PPP1R8: variants seen among roughly 807,000 people sequenced by gnomAD.
PPP1R8 encodes the protein protein phosphatase 1 regulatory subunit 8.
Under a neutral mutation model 31.3 loss-of-function variants are expected in PPP1R8, and 4 were observed. The ratio of observed to expected loss-of-function variants is 0.13; its 90% CI spans 0.06 to 0.29. The LOEUF (loss-of-function observed/expected upper bound fraction) is 0.29. Ranked by LOEUF, PPP1R8 falls within the 10% of genes least tolerant of loss-of-function variation. The pLI, the probability that PPP1R8 is intolerant of heterozygous loss-of-function variation, is 1.00. For missense variants in PPP1R8, 254 were observed against 440.1 expected (o/e 0.58, Z 3.78); for synonymous variants, 170 against 169.7 (o/e 1.00, Z -0.01).
chr1:27,850,478 G>GGGGTTT lies in PPP1R8; in HGVS notation c.*32_*33insGGGTTT. 5.2e-6 allele frequency: 7 copies of GGGGTTT among 1,338,788 alleles called. No individual in the cohort carries two copies. The highest frequency in any genetic ancestry group is 5.2e-6 in the Non-Finnish European group (5 of 952,868). The allele number at this position is 1,338,788 out of a possible 1,614,324, so 82.9% of individuals were successfully genotyped here. On this transcript the variant is annotated 3_prime_UTR_variant, in exon 7 of 7. Coordinates refer to ENST00000311772, the MANE Select transcript of PPP1R8 (RefSeq NM_014110.5). Reference sequence around the variant, plus strand: ...TGGTCATGGAGAAGGGTGGGATTGGGTGGGAATGGGGTGGAAGGGTGATGG... The same window carrying GGGGTTT: ...TGGTCATGGAGAAGGGTGGGATTGGGGGGTTTTGGGAATGGGGTGGAAGGGTGATGG...
At chr1:27,850,066 C>CT (rs2089325793) in intron 6 of PPP1R8, 27 bp from the exon 7 acceptor site, 1 of 1,514,572 alleles carries the variant, frequency 6.6e-7, no homozygotes, top group Non-Finnish European at 8.9e-7. Flanking sequence ...TCTCCAATCT[C>CT]TCCCCTCTCC....
At chr1:27,847,249 G>C (rs907346042) in intron 6 of PPP1R8, among the ~76,000 whole-genome samples, 157 bp downstream of exon 6, 1 of 152,130 alleles carries the variant, frequency 6.6e-6, no homozygotes, top group Non-Finnish European at 1.5e-5. Flanking sequence ...GCTCACACTT[G>C]TAATCCCAGC....
chr1:27,837,120 C>A (rs1485954062), intron 2 of PPP1R8, among the ~76,000 whole-genome samples: 1 of 151,840 alleles, frequency 6.6e-6, no homozygotes, highest in Admixed American at 6.6e-5. Flanking sequence ...TTTCAGAAGA[C>A]AGCCACTCTT....
intron 1 of PPP1R8, chr1:27,831,210 T>A: frequency 9.0e-7 from 1 of 1,113,044 alleles, no homozygotes. Flanking sequence ...ACTGAGTGCC[T>A]GGTGCTCTCG....
Position 27,851,415 on chromosome 1 carries a change from A to G in PPP1R8, c.*969A>G, listed in dbSNP as rs1329763105. On this transcript the variant is annotated 3_prime_UTR_variant, in exon 7 of 7. Coordinates refer to ENST00000311772, the MANE Select transcript of PPP1R8 (RefSeq NM_014110.5). Reference sequence around the variant, plus strand: ...TAGGAGACAAAGTTAGGAAACATTGATACAAGCTTTGTACAGAGATTTGTA... The same window carrying G: ...TAGGAGACAAAGTTAGGAAACATTGGTACAAGCTTTGTACAGAGATTTGTA... The G allele has an allele frequency of 1.3e-5, 5 of 381,662 alleles. No homozygotes were observed. Among genetic ancestry groups the G allele is most frequent in the Admixed American group, 3.0e-5 (1 of 33,586 alleles). The allele number at this position is 381,662 out of a possible 1,614,324, so 23.6% of individuals were successfully genotyped here.
intron 3 of PPP1R8, among the ~76,000 whole-genome samples, chr1:27,839,431 G>A (rs1400277146): frequency 6.6e-6 from 1 of 152,144 alleles, no homozygotes; most frequent in Non-Finnish European, 1.5e-5. Context: ...GGGAGGCTGA[G>A]GCAGGAGAAC....
chr1:27,851,220 T>C lies in PPP1R8; in HGVS notation c.*774T>C, dbSNP rs537315807. The C allele has an allele frequency of 1.0e-4, 25 of 250,942 alleles. No homozygotes were observed. The highest frequency in any genetic ancestry group is 5.3e-4 in the African/African-American group (24 of 45,204). 15.5% of individuals were successfully genotyped at this position (250,942 alleles called of 1,614,324 possible). A position where few individuals can be genotyped will look rare whatever the true frequency, so the allele number is the denominator to read the frequency against. On this transcript the variant is annotated 3_prime_UTR_variant, in exon 7 of 7. Coordinates refer to ENST00000311772, the MANE Select transcript of PPP1R8 (RefSeq NM_014110.5). ...TTTAAGTGTATTATGAAGGCAGTTT[T>C]CAAAGGATATGACCAGTTGGGGTAA...
At position 27,847,068 on chromosome 1, in the gene PPP1R8, G is replaced by A; in HGVS notation, c.678G>A (p.Val226=). The change falls in exon 6 of 7, where the codon GTG becomes GTA. Residue 226 remains valine (V), a synonymous_variant. Transcript: ENST00000311772. ...CAGTTGGTCGATTCAGGAACATGGT[G>A]CAAACTGCAGTGGTCCCAGTCAAGG... ...DPSVGRFRNM[V]QTAVVPVKKK... is the part of the protein sequence containing the mutation. 1.2e-6 allele frequency: 2 copies of A among 1,614,076 alleles called. No homozygotes were observed. Among genetic ancestry groups the A allele is most frequent in the Non-Finnish European group, 1.7e-6 (2 of 1,179,948 alleles).
chr1:27,834,617 G>A (rs564660986), intron 2 of PPP1R8: 10 of 491,790 alleles, frequency 2.0e-5, no homozygotes, highest in South Asian at 5.9e-5. Flanking sequence ...TTTAGTGACT[G>A]TTGAAAGCCA....
In PPP1R8 at chr1:27,850,654, A is replaced by T. The variant is rs2089335254; in HGVS notation, c.*208A>T. On this transcript the variant is annotated 3_prime_UTR_variant, in exon 7 of 7. Transcript: ENST00000311772. Reference sequence around the variant, plus strand: ...TCTTCACAACACTTGCATTGTAGAGAAAGGCTTCTTATATCCTTTTCAATA... The same window carrying T: ...TCTTCACAACACTTGCATTGTAGAGTAAGGCTTCTTATATCCTTTTCAATA... The T allele has an allele frequency of 1.8e-6, 1 of 546,304 alleles. No individual in the cohort carries two copies. Among genetic ancestry groups the T allele is most frequent in the Admixed American group, 3.1e-5 (1 of 32,100 alleles). The allele number at this position is 546,304 out of a possible 1,614,324, so 33.8% of individuals were successfully genotyped here.
Position 27,850,696 on chromosome 1 carries a change from T to C in PPP1R8, c.*250T>C. On this transcript the variant is annotated 3_prime_UTR_variant, in exon 7 of 7. Coordinates refer to ENST00000311772, the MANE Select transcript of PPP1R8 (RefSeq NM_014110.5). ...TTTTCAATAGACTGCCCTGGCTCTT[T>C]CCTAGGCCTTCCACTACCTCCTTTC... 2.4e-6 allele frequency: 1 copy of C among 408,330 alleles called. No individual in the cohort carries two copies. Among genetic ancestry groups the C allele is most frequent in the Non-Finnish European group, 4.4e-6 (1 of 227,862 alleles). The allele number at this position is 408,330 out of a possible 1,614,324, so 25.3% of individuals were successfully genotyped here.
chr1:27,849,464 T>C (rs2089318964), intron 6 of PPP1R8, among the ~76,000 whole-genome samples: 1 of 152,180 alleles, frequency 6.6e-6, no homozygotes, highest in Non-Finnish European at 1.5e-5. Flanking sequence ...TGCCATCTTT[T>C]ATCATTTCCA....
chr1:27,845,825 T>C lies in PPP1R8; in HGVS notation c.638-1203T>C, dbSNP rs368926526. Among the ~76,000 whole-genome samples, 1,315 of 143,382 alleles carry C rather than the reference T, an allele frequency of 9.2e-3. 12 individuals are homozygous for C. The highest frequency in any genetic ancestry group is 0.015 in the Non-Finnish European group (975 of 66,702). The allele number at this position is 143,382 out of a possible 152,430, so 94.1% of individuals were successfully genotyped here. On this transcript the variant is annotated intron_variant, in intron 5 of 6. Transcript: ENST00000311772. ...TTTTTTTTGAGACGGAGTCTCCTTC[T>C]GTCGCCCAGGCTGGAGTGCAGTGGC...
intron 6 of PPP1R8, among the ~76,000 whole-genome samples, chr1:27,849,460 C>T (rs1385640119): frequency 6.6e-6 from 1 of 151,252 alleles, no homozygotes; most frequent in African/African-American, 2.4e-5. Context: ...CTATTGCCAT[C>T]TTTTATCATT....
intron 5 of PPP1R8, among the ~76,000 whole-genome samples, chr1:27,845,902 G>A (rs1232621595): frequency 6.8e-6 from 1 of 146,348 alleles, no homozygotes; most frequent in Non-Finnish European, 1.5e-5. Flanking sequence ...CCATTCTCCT[G>A]CCTCAGCGTC....
chr1:27,847,041 C>G lies in PPP1R8; in HGVS notation c.651C>G (p.Pro217=). ...CTCTTTTTGCAGAGGATGTGGATCC[C>G]TCAGTTGGTCGATTCAGGAACATGG... ...DEIINPEDVD[P]SVGRFRNMVQ... is the part of the protein sequence containing the mutation. The change falls in exon 6 of 7, where the codon CCC becomes CCG. Residue 217 remains proline, a synonymous_variant. Coordinates refer to ENST00000311772, the MANE Select transcript of PPP1R8 (RefSeq NM_014110.5). 1 of 1,614,124 alleles carries G rather than the reference C, an allele frequency of 6.2e-7. No individual in the cohort carries two copies. Among genetic ancestry groups the G allele is most frequent in the Non-Finnish European group, 8.5e-7 (1 of 1,179,984 alleles).
chr1:27,835,017 CA>C (rs199556518), intron 2 of PPP1R8, among the ~76,000 whole-genome samples: 6 of 149,448 alleles, frequency 4.0e-5, no homozygotes, highest in African/African-American at 1.2e-4. Flanking sequence ...GACTCCATCT[CA>C]AAAAAAAAAT....
In PPP1R8 at chr1:27,850,122, G is replaced by T. The variant is rs35775135; in HGVS notation, c.732G>T (p.Leu244=). The part of the protein sequence containing the change: ...KKKRVEGPGS[L]GLEESGSRRM... Reference sequence around the variant, plus strand: ...AGCGTGTGGAGGGCCCTGGCTCCCTGGGCCTGGAGGAATCAGGGAGCAGGC... The same window carrying T: ...AGCGTGTGGAGGGCCCTGGCTCCCTTGGCCTGGAGGAATCAGGGAGCAGGC... The change falls in exon 7 of 7, where the codon CTG becomes CTT. Residue 244 remains leucine (L), a synonymous_variant. Transcript: ENST00000311772. The T allele has an allele frequency of 1.0e-3, 1,601 of 1,592,654 alleles. 23 individuals are homozygous for T. In the African/African-American group the frequency reaches 0.019, roughly 19 times the overall value.
chr1:27,834,956 T>C (rs2089148248), intron 2 of PPP1R8, among the ~76,000 whole-genome samples: 1 of 152,142 alleles, frequency 6.6e-6, no homozygotes, highest in African/African-American at 2.4e-5. Context: ...AGGCAGAGTT[T>C]GCAGTGAGTG....
Sources: gnomAD v4.1 joint callset for allele counts (sites outside exome capture counted in the v4.1 genomes callset) on GRCh38, gnomAD v4.1.1 for gene constraint, MANE v1.5 for transcripts, NCBI Gene and HGNC (gene_info 2026-07-23, HGNC 2026-07-21) for gene names.